The following SMAP2 variants were observed in gnomAD, a reference collection of about 807,000 sequenced individuals.
SMAP2 encodes the protein small ArfGAP2.
A neutral mutation model predicts 56.4 loss-of-function variants in SMAP2; 25 were observed. That is an observed-to-expected ratio of 0.44 (90% CI 0.32 to 0.62). The LOEUF (loss-of-function observed/expected upper bound fraction) is 0.62, where lower values mean the gene tolerates loss of function less well. Among genes scored for constraint, SMAP2 ranks in the 20% least tolerant of loss-of-function variants. SMAP2 has a pLI of 0.04. For missense variants in SMAP2, 388 were observed against 545.6 expected, an observed-to-expected ratio of 0.71 and a Z score of 2.88; for synonymous variants, 157 against 181.7, an observed-to-expected ratio of 0.86 and a Z score of 1.09.
intron 1 of SMAP2, chr1:40,393,401 A>C: frequency 1.3e-6 from 2 of 1,535,630 alleles, no homozygotes. Flanking sequence ...TTGGAATAGG[A>C]AGGAGAAAAG....
chr1:40,403,277 G>A (rs1409952669), intron 1 of SMAP2, among the ~76,000 whole-genome samples: 4 of 152,168 alleles, frequency 2.6e-5, no homozygotes, highest in Non-Finnish European at 5.9e-5. Context: ...AGGCCAAGGC[G>A]GGTACATCAC....
intron 1 of SMAP2, among the ~76,000 whole-genome samples, chr1:40,355,405 A>T (rs1225899603): frequency 6.6e-6 from 1 of 151,818 alleles, no homozygotes; most frequent in Non-Finnish European, 1.5e-5. Context: ...GCTTATTTTT[A>T]ATTTTTAATT....
intron 1 of SMAP2, among the ~76,000 whole-genome samples, chr1:40,380,529 C>CTTTTTT (rs370625950): frequency 0.16 from 22,166 of 142,732 alleles, 2,597 homozygotes; most frequent in African/African-American, 0.29. Context: ...ATCTGTGGCA[C>CTTTTTT]TTTTTTTTTT....
chr1:40,383,278 A>AGTAGGCCGAGTGAGAGAGC (rs1553190129), intron 1 of SMAP2, among the ~76,000 whole-genome samples: 1 of 152,196 alleles, frequency 6.6e-6, no homozygotes, highest in Non-Finnish European at 1.5e-5. Context: ...GGCAGCTGGA[A>AGTAGGCCGAGTGAGAGAGC]GTAGGCCGAG....
intron 6 of SMAP2, 83 bp from the exon 7 acceptor site, chr1:40,415,189 C>G: frequency 9.9e-7 from 1 of 1,012,504 alleles, no homozygotes; most frequent in Non-Finnish European, 1.5e-6. Context: ...GCTTATGGGC[C>G]ACCTTTGCTT....
At chr1:40,406,697 G>A in intron 1 of SMAP2, 39 bp from the exon 2 acceptor site, 1 of 1,573,982 alleles carries the variant, frequency 6.4e-7, no homozygotes, top group Non-Finnish European at 8.7e-7. Context: ...CTTGAATGTT[G>A]TAATTTGTAC....
At chr1:40,387,811 C>T (rs1403944025) in intron 1 of SMAP2, among the ~76,000 whole-genome samples, 3 of 151,994 alleles carry the variant, frequency 2.0e-5, no homozygotes, top group African/African-American at 4.8e-5. Context: ...CTGGGCTGGC[C>T]GAGGCCGGAG....
At position 40,403,540 on chromosome 1, in the gene SMAP2, T is replaced by C. The variant is rs1055028465; in HGVS notation, c.104-3196T>C. The C allele has an allele frequency of 7.8e-6, 3 of 383,928 alleles. No homozygotes were observed. In the Admixed American group the frequency reaches 1.9e-4, roughly 25 times the overall value. The allele number at this position is 383,928 out of a possible 1,614,324, so 23.8% of individuals were successfully genotyped here. A position where few individuals can be genotyped will look rare whatever the true frequency, so the allele number is the denominator to read the frequency against. On this transcript the variant is annotated intron_variant, in intron 1 of 9. Transcript: ENST00000372718. ...AATAAAAAGAAGCACTCCGTGGTGT[T>C]GCATAGAGTGTTGGTATATATTACA...
At chr1:40,410,011 G>T (rs1276050765) in intron 4 of SMAP2, among the ~76,000 whole-genome samples, 176 bp downstream of exon 4, 1 of 152,148 alleles carries the variant, frequency 6.6e-6, no homozygotes, top group African/African-American at 2.4e-5. Context: ...GGAGGCTGAG[G>T]TGGGAGGATC....
intron 3 of SMAP2, among the ~76,000 whole-genome samples, chr1:40,409,111 C>G (rs1644911894): frequency 6.6e-6 from 1 of 152,172 alleles, no homozygotes; most frequent in South Asian, 2.1e-4. Flanking sequence ...TCATTTTTAT[C>G]ATCTTTTTAT....
intron 1 of SMAP2, among the ~76,000 whole-genome samples, chr1:40,350,660 A>G (rs1644406302): frequency 6.6e-6 from 1 of 152,186 alleles, no homozygotes; most frequent in Non-Finnish European, 1.5e-5. Flanking sequence ...AATCCAGGGA[A>G]GTTGCCACTT....
intron 4 of SMAP2, among the ~76,000 whole-genome samples, chr1:40,412,736 C>T (rs1182593144): frequency 3.3e-5 from 5 of 152,118 alleles, no homozygotes; most frequent in Admixed American, 6.5e-5. Flanking sequence ...AATGTTTTAG[C>T]GTCTGTACAT....
chr1:40,371,105 G>A (rs545972878), upstream of SMAP2, among the ~76,000 whole-genome samples: 90 of 152,110 alleles, frequency 5.9e-4, no homozygotes, highest in Non-Finnish European at 9.0e-4. Context: ...CCTGGGAGGC[G>A]GAGGTTGCAG....
intron 1 of SMAP2, chr1:40,393,431 C>A (rs1405593494): frequency 2.0e-6 from 3 of 1,534,842 alleles, no homozygotes; most frequent in Non-Finnish European, 2.6e-6. Flanking sequence ...GGAAAGTGGG[C>A]AGAGCAAGAT....
chr1:40,383,543 C>T (rs915061938), intron 1 of SMAP2, among the ~76,000 whole-genome samples: 6 of 152,096 alleles, frequency 3.9e-5, no homozygotes, highest in Admixed American at 1.3e-4. Context: ...AAGGGTTTTC[C>T]GGCAGATATA....
At chr1:40,403,286 A>G (rs1644853927) in intron 1 of SMAP2, among the ~76,000 whole-genome samples, 1 of 152,126 alleles carries the variant, frequency 6.6e-6, no homozygotes, top group Non-Finnish European at 1.5e-5. Context: ...CGGGTACATC[A>G]CCAGAGGTCT....
At chr1:40,409,893 GC>G in intron 4 of SMAP2, 58 bp downstream of exon 4, 1 of 1,154,324 alleles carries the variant, frequency 8.7e-7, no homozygotes, top group Non-Finnish European at 1.3e-6. Context: ...ATTAAATCAG[GC>G]CAGAGAACAC....
intron 1 of SMAP2, among the ~76,000 whole-genome samples, chr1:40,395,098 G>A (rs1481123493): frequency 6.6e-6 from 1 of 152,190 alleles, no homozygotes; most frequent in African/African-American, 2.4e-5. Flanking sequence ...ATACTTAGAA[G>A]TTTGGAGTTC....
In SMAP2 at chr1:40,415,402, A is replaced by G. The variant is rs769107579; in HGVS notation, c.681+21A>G. 2.8e-5 allele frequency: 41 copies of G among 1,451,124 alleles called. 1 individual carries two copies. Among genetic ancestry groups the G allele is most frequent in the Admixed American group, 1.3e-4 (8 of 59,318 alleles). 89.9% of individuals were successfully genotyped at this position (1,451,124 alleles called of 1,614,324 possible). On this transcript the variant is annotated intron_variant, in intron 7 of 9. Transcript: ENST00000372718. ...GAAAGGTGAGTCTTGTGGGCTCCTC[A>G]GGATTAAAGAACATTCTGAAATGGG...
Sources: gnomAD v4.1 joint callset for allele counts (sites outside exome capture counted in the v4.1 genomes callset) on GRCh38, gnomAD v4.1.1 for gene constraint, MANE v1.5 for transcripts, NCBI Gene and HGNC (gene_info 2026-07-23, HGNC 2026-07-21) for gene names.